Variants in UPRT observed in about 807,000 individuals in gnomAD.
UPRT encodes the protein RP11-311P8.3.
Under a neutral mutation model 22.6 loss-of-function variants are expected in UPRT, and 5 were observed. That is an observed-to-expected ratio of 0.22 (90% CI 0.12 to 0.47). The LOEUF is 0.47. UPRT is among the 20% of genes least tolerant of loss of function. The pLI is 0.99. For synonymous variants in UPRT, 77 were observed against 87.7 expected, an observed-to-expected ratio of 0.88 and a Z score of 0.68; for missense variants, 181 against 239.9, an observed-to-expected ratio of 0.75 and a Z score of 1.62.
intron 4 of UPRT, among the ~76,000 whole-genome samples, chrX:75,181,997 C>T (rs2082271728): frequency 9.0e-6 from 1 of 111,701 alleles, no homozygotes; most frequent in Admixed American, 9.5e-5. Context: ...ATAGATGGCT[C>T]TTAATATTTT....
chrX:75,194,353 C>T (rs1357412170), intron 4 of UPRT, among the ~76,000 whole-genome samples: 1 of 111,174 alleles, frequency 9.0e-6, no homozygotes. Context: ...AAAGTGTTCT[C>T]AGAATGCTGG....
chrX:75,226,375 C>T (rs1476034688), intron 4 of UPRT, among the ~76,000 whole-genome samples: 2 of 111,441 alleles, frequency 1.8e-5, no homozygotes, highest in African/African-American at 3.3e-5. Flanking sequence ...GTTACTCCTC[C>T]GATTAAAACC....
chrX:75,162,399 A>G (rs777401698), intron 2 of UPRT, among the ~76,000 whole-genome samples: 8 of 111,906 alleles, frequency 7.1e-5, no homozygotes, highest in Non-Finnish European at 1.1e-4. Flanking sequence ...AAAGCTATAG[A>G]TTAATAACTC....
chrX:75,284,196 A>G (rs891322968), intron 1 of UPRT, among the ~76,000 whole-genome samples: 13 of 111,149 alleles, frequency 1.2e-4, no homozygotes, highest in Middle Eastern at 4.3e-3. Context: ...TTCTCCATTC[A>G]GTTCTTGTAT....
At chrX:75,296,432 C>A (rs746055522) in intron 3 of UPRT, 21 bp downstream of exon 3, 1 of 1,184,560 alleles carries the variant, frequency 8.4e-7, no homozygotes. Context: ...CTGTTATTCT[C>A]AAATTTTCCT....
chrX:75,239,070 A>G (rs2082479535), intron 4 of UPRT, among the ~76,000 whole-genome samples: 2 of 111,294 alleles, frequency 1.8e-5, no homozygotes, highest in South Asian at 7.5e-4. Flanking sequence ...AACAAGAACA[A>G]ATCAAACCCA....
chrX:75,258,630 C>T (rs962726965), intron 4 of UPRT, among the ~76,000 whole-genome samples: 2 of 111,982 alleles, frequency 1.8e-5, no homozygotes, highest in African/African-American at 6.5e-5. Context: ...CAGTCAGGGG[C>T]TTATAGATAA....
chrX:75,233,196 A>G (rs1384412243), intron 4 of UPRT, among the ~76,000 whole-genome samples: 1 of 110,999 alleles, frequency 9.0e-6, no homozygotes, highest in Non-Finnish European at 1.9e-5. Flanking sequence ...GCAATGGAAG[A>G]TGAAATGAAT....
Position 75,260,653 on chromosome X carries a change from G to A in UPRT, c.-446-30371G>A, listed in dbSNP as rs769297217. Among the ~76,000 whole-genome samples, 5 of 111,278 alleles carry A rather than the reference G, an allele frequency of 4.5e-5. No individual in the cohort carries two copies. The East Asian group carries it at 8.5e-4, about 19-fold the overall frequency. ...ACTTAGACTCCCACACAATAATAACGGGAGACTTTAACACTCCACTGTCAA... is the reference window on the plus strand; with the variant it reads ...ACTTAGACTCCCACACAATAATAACAGGAGACTTTAACACTCCACTGTCAA... On this transcript the variant is annotated intron_variant, in intron 4 of 13. Coordinates refer to the UPRT transcript ENST00000652605.
intron 1 of UPRT, among the ~76,000 whole-genome samples, chrX:75,280,083 G>A (rs2082648044): frequency 9.4e-6 from 1 of 106,720 alleles, no homozygotes. Context: ...TTTGAGAATT[G>A]TCTATTCATG....
intron 4 of UPRT, among the ~76,000 whole-genome samples, chrX:75,226,043 G>T (rs2082423115): frequency 9.0e-6 from 1 of 111,486 alleles, no homozygotes. Context: ...TCAGTAAATA[G>T]AATGTTCTTC....
At chrX:75,211,647 G>A (rs1304130438) in intron 4 of UPRT, among the ~76,000 whole-genome samples, 3 of 111,411 alleles carry the variant, frequency 2.7e-5, no homozygotes, top group African/African-American at 6.5e-5. Flanking sequence ...AGCAGGGCTA[G>A]GAACAAGGAG....
chrX:75,156,411 G>A (rs963724176), exon 1 of UPRT: 20 of 675,317 alleles, frequency 3.0e-5, no homozygotes, highest in Non-Finnish European at 4.3e-5. Context: ...AGATTCGGAT[G>A]CATTCGCACA....
chrX:75,218,340 A>G (rs1394842283), intron 4 of UPRT, among the ~76,000 whole-genome samples: 1 of 110,211 alleles, frequency 9.1e-6, no homozygotes, highest in Non-Finnish European at 1.9e-5. Flanking sequence ...ACAATGAGAT[A>G]CCATCTCACA....
At chrX:75,288,498 G>A (rs989059923) in intron 1 of UPRT, among the ~76,000 whole-genome samples, 2 of 112,197 alleles carry the variant, frequency 1.8e-5, no homozygotes, top group Middle Eastern at 4.6e-3. Context: ...TCAAGTAGGT[G>A]CCATTACTGG....
intron 4 of UPRT, among the ~76,000 whole-genome samples, chrX:75,195,180 G>T (rs767742209): frequency 1.2e-4 from 14 of 112,570 alleles, no homozygotes; most frequent in African/African-American, 3.9e-4. Flanking sequence ...GCTGGTATGT[G>T]CCCATGGGGG....
chrX:75,234,696 T>C (rs1245705954), intron 4 of UPRT, among the ~76,000 whole-genome samples: 5 of 110,629 alleles, frequency 4.5e-5, no homozygotes, highest in Non-Finnish European at 9.5e-5. Flanking sequence ...ACTGGGTACA[T>C]AACGAAATGA....
intron 4 of UPRT, among the ~76,000 whole-genome samples, chrX:75,253,445 C>T (rs2082538911): frequency 1.8e-5 from 2 of 112,253 alleles, no homozygotes; most frequent in Non-Finnish European, 3.8e-5. Flanking sequence ...AAATTGAATG[C>T]TTATACACTG....
chrX:75,288,890 G>A (rs769483704), intron 1 of UPRT, among the ~76,000 whole-genome samples: 30 of 111,451 alleles, frequency 2.7e-4, no homozygotes, highest in African/African-American at 5.5e-4. Context: ...AAAAGAAGTC[G>A]TCAAACTATC....
Sources: gnomAD v4.1 joint callset for allele counts (sites outside exome capture counted in the v4.1 genomes callset) on GRCh38, gnomAD v4.1.1 for gene constraint, MANE v1.5 for transcripts, NCBI Gene and HGNC (gene_info 2026-07-23, HGNC 2026-07-21) for gene names.